OR1F1: variants seen among roughly 807,000 people sequenced by gnomAD.
OR1F1 encodes olfactory receptor family 1 subfamily F member 1.
For synonymous variants in OR1F1, 184 were observed against 156.7 expected (o/e 1.17, Z -1.30); for missense variants, 493 against 376.3 (o/e 1.31, Z -2.57).
chr16:3,191,843 G>C, the OR1F1 span, among the ~76,000 whole-genome samples: 18 of 152,250 alleles, frequency 1.2e-4, no homozygotes, highest in African/African-American at 4.3e-4. Flanking sequence ...TCCCCACTTT[G>C]TGCGGTGCGG....
chr16:3,199,353 G>C (rs1031599670), upstream of OR1F1, among the ~76,000 whole-genome samples: 1 of 151,430 alleles, frequency 6.6e-6, no homozygotes, highest in Non-Finnish European at 1.5e-5. Flanking sequence ...TAATAAAAGA[G>C]ATTAAATAGC....
At chr16:3,204,131 T>C (rs1407182040), upstream of OR1F1, 97 of 727,216 alleles carry the variant, frequency 1.3e-4, no homozygotes, top group South Asian at 1.7e-3. Context: ...AATATTATCA[T>C]TTACATCCTG....
At chr16:3,189,434 G>T in the OR1F1 span, among the ~76,000 whole-genome samples, 9 of 152,204 alleles carry the variant, frequency 5.9e-5, no homozygotes, top group South Asian at 4.1e-4. Flanking sequence ...TTGTGGTAGC[G>T]CCAGGGCTGC....
chr16:3,192,705 A>G, the OR1F1 span, among the ~76,000 whole-genome samples: 1 of 152,076 alleles, frequency 6.6e-6, no homozygotes, highest in Non-Finnish European at 1.5e-5. Context: ...CCGAGCCTGG[A>G]AAAGCGAGGT....
At chr16:3,201,183 C>A (rs941998566), upstream of OR1F1, among the ~76,000 whole-genome samples, 1 of 152,134 alleles carries the variant, frequency 6.6e-6, no homozygotes, top group East Asian at 1.9e-4. Context: ...AATGATATTC[C>A]ATCATAAGGA....
downstream of OR1F1, among the ~76,000 whole-genome samples, chr16:3,205,478 C>T (rs529835612): frequency 0.014 from 1,933 of 137,514 alleles, 21 homozygotes; most frequent in Non-Finnish European, 0.022. Context: ...ACATGCCTAG[C>T]TAAATTTTTT....
At chr16:3,203,676 A>T (rs1313281352), upstream of OR1F1, among the ~76,000 whole-genome samples, 1 of 152,224 alleles carries the variant, frequency 6.6e-6, no homozygotes, top group African/African-American at 2.4e-5. Context: ...AAGCAGGAGA[A>T]TCACTTGAAC....
At chr16:3,197,270 C>T in the OR1F1 span, among the ~76,000 whole-genome samples, 7,074 of 151,542 alleles carry the variant, frequency 0.047, 582 homozygotes, top group African/African-American at 0.16. Flanking sequence ...CCACCTGCCT[C>T]GGCCTCCCAA....
At chr16:3,206,269 C>G (rs1167381041), downstream of OR1F1, among the ~76,000 whole-genome samples, 3 of 152,092 alleles carry the variant, frequency 2.0e-5, no homozygotes, top group East Asian at 3.9e-4. Context: ...GCTCTTGAAC[C>G]CTGTTTTCTG....
At chr16:3,202,832 A>G (rs566358485), upstream of OR1F1, among the ~76,000 whole-genome samples, 2 of 152,270 alleles carry the variant, frequency 1.3e-5, no homozygotes, top group Admixed American at 6.5e-5. Context: ...TACAAGGTGA[A>G]TATTATTTCT....
chr16:3,198,336 T>C, the OR1F1 span, among the ~76,000 whole-genome samples: 8 of 151,672 alleles, frequency 5.3e-5, no homozygotes, highest in South Asian at 2.1e-4. Context: ...TTTCATGGGA[T>C]TCTGAAGGCA....
At chr16:3,191,979 C>A in the OR1F1 span, among the ~76,000 whole-genome samples, 8 of 152,302 alleles carry the variant, frequency 5.3e-5, no homozygotes, top group Admixed American at 4.6e-4. Flanking sequence ...AGTAAAGGGC[C>A]TGCTGCTGTG....
the OR1F1 span, among the ~76,000 whole-genome samples, chr16:3,192,168 T>A: frequency 6.6e-6 from 1 of 152,210 alleles, no homozygotes; most frequent in Admixed American, 6.5e-5. Flanking sequence ...GCCATTCTCC[T>A]GCCTCAGCCT....
At chr16:3,192,661 G>A in the OR1F1 span, among the ~76,000 whole-genome samples, 1 of 152,202 alleles carries the variant, frequency 6.6e-6, no homozygotes, top group African/African-American at 2.4e-5. Flanking sequence ...GCCTCAAGGG[G>A]AGGGTTTTGT....
At chr16:3,194,922 C>T in the OR1F1 span, among the ~76,000 whole-genome samples, 1 of 152,242 alleles carries the variant, frequency 6.6e-6, no homozygotes, top group Admixed American at 6.5e-5. Flanking sequence ...CGCCCTTCTT[C>T]TGTGACTTCT....
chr16:3,197,754 G>A, the OR1F1 span, among the ~76,000 whole-genome samples: 4 of 87,278 alleles, frequency 4.6e-5, no homozygotes, highest in East Asian at 1.4e-3. Flanking sequence ...AGAGGGAGAG[G>A]GAGAAGGAGA....
chr16:3,204,447 T>C lies in OR1F1; in HGVS notation c.201T>C (p.Ser67=), dbSNP rs185165521. 2.7e-5 allele frequency: 44 copies of C among 1,614,144 alleles called. No individual in the cohort carries two copies. In the African/African-American group the frequency reaches 3.7e-4, roughly 14 times the overall value. ...TGTACTTCTTCCTCAGCAACCTGTCTTTTGTGGACATCTGCTTCTCCTTCA... is the reference window on the plus strand; with the variant it reads ...TGTACTTCTTCCTCAGCAACCTGTCCTTTGTGGACATCTGCTTCTCCTTCA... The change falls in exon 1 of 1, where the codon TCT becomes TCC. Residue 67 remains serine (S), a synonymous_variant. Coordinates refer to ENST00000304646, the Ensembl canonical transcript of OR1F1.
chr16:3,191,852 G>A, the OR1F1 span, among the ~76,000 whole-genome samples: 1 of 152,188 alleles, frequency 6.6e-6, no homozygotes, highest in Non-Finnish European at 1.5e-5. Context: ...TGTGCGGTGC[G>A]GAGAGGGGCC....
upstream of OR1F1, among the ~76,000 whole-genome samples, chr16:3,201,986 C>T (rs1958139944): frequency 6.6e-6 from 1 of 152,218 alleles, no homozygotes; most frequent in South Asian, 2.1e-4. Context: ...GGGGAGCCCT[C>T]CTCTGCAGGA....
Sources: gnomAD v4.1 joint callset for allele counts (sites outside exome capture counted in the v4.1 genomes callset) on GRCh38, gnomAD v4.1.1 for gene constraint, MANE v1.5 for transcripts, NCBI Gene and HGNC (gene_info 2026-07-23, HGNC 2026-07-21) for gene names.